The following RYR2 variants were observed in gnomAD, a reference collection of about 807,000 sequenced individuals.
RYR2 encodes the protein ryanodine receptor 2.
A neutral mutation model predicts 601.1 loss-of-function variants in RYR2; 227 were observed. The observed-to-expected ratio is 0.38, with a 90% confidence interval of 0.34 to 0.42. The LOEUF (loss-of-function observed/expected upper bound fraction) is 0.42. Ranked by LOEUF, RYR2 falls within the 10% of genes least tolerant of loss-of-function variation. The pLI is 1.00. For synonymous variants in RYR2, 2,223 were observed against 2,175.1 expected (o/e 1.02, Z -0.61); for missense variants, 4,646 against 6,156.5 (o/e 0.75, Z 8.21).
chr1:237,387,700 A>T (rs1251506293), intron 9 of RYR2, among the ~76,000 whole-genome samples: 2 of 152,094 alleles, frequency 1.3e-5, no homozygotes, highest in Non-Finnish European at 2.9e-5. Context: ...TAATGTCAAG[A>T]TTTCTTATTT....
intron 10 of RYR2, among the ~76,000 whole-genome samples, chr1:237,390,542 G>A (rs1702291315): frequency 6.6e-6 from 1 of 152,132 alleles, no homozygotes; most frequent in Admixed American, 6.6e-5. Context: ...CTATTATTTA[G>A]TCTGAAGAGG....
chr1:237,251,001 A>G (rs1483720666), intron 1 of RYR2, among the ~76,000 whole-genome samples: 2 of 140,352 alleles, frequency 1.4e-5, no homozygotes, highest in Admixed American at 7.3e-5. Context: ...ACCCTACTTT[A>G]TTTTCTTTAT....
chr1:237,675,496 A>C (rs1421558241), intron 60 of RYR2, among the ~76,000 whole-genome samples: 2 of 152,188 alleles, frequency 1.3e-5, no homozygotes, highest in African/African-American at 4.8e-5. Context: ...TTAATGTCAG[A>C]GCACCTTCCA....
intron 22 of RYR2, among the ~76,000 whole-genome samples, chr1:237,505,826 C>T (rs1158736584): frequency 1.3e-5 from 2 of 152,214 alleles, no homozygotes; most frequent in East Asian, 3.8e-4. Flanking sequence ...ACGTAAACAA[C>T]CAGTCCCTTA....
chr1:237,764,779 G>A (rs1218013448), intron 84 of RYR2, among the ~76,000 whole-genome samples: 4 of 151,576 alleles, frequency 2.6e-5, no homozygotes, highest in Admixed American at 1.3e-4. Flanking sequence ...GTCCCTTTCC[G>A]GGACACAAAT....
At chr1:237,278,343 A>G (rs373148571) in intron 2 of RYR2, among the ~76,000 whole-genome samples, 1 of 135,430 alleles carries the variant, frequency 7.4e-6, no homozygotes, top group South Asian at 2.3e-4. Context: ...TTCCTTCCTC[A>G]GCCTCCCAAA....
chr1:237,210,749 A>G (rs602897), intron 1 of RYR2, among the ~76,000 whole-genome samples: 115,604 of 152,034 alleles, frequency 0.76, 45,674 homozygotes, highest in East Asian at 0.98. Context: ...AACTTATCCC[A>G]CTATCTTGGA....
At chr1:237,154,710 T>A (rs1424901423) in intron 1 of RYR2, among the ~76,000 whole-genome samples, 1 of 150,368 alleles carries the variant, frequency 6.7e-6, no homozygotes, top group African/African-American at 2.4e-5. Flanking sequence ...TGGACCTCCG[T>A]CCTATCCCTA....
intron 16 of RYR2, among the ~76,000 whole-genome samples, chr1:237,466,590 AAATT>A (rs1283385679): frequency 6.6e-6 from 1 of 151,894 alleles, no homozygotes; most frequent in Non-Finnish European, 1.5e-5. Context: ...ACTATTATAT[AAATT>A]ATTTTTATTT....
chr1:237,315,083 G>T (rs1340559562), intron 2 of RYR2, among the ~76,000 whole-genome samples: 1 of 152,164 alleles, frequency 6.6e-6, no homozygotes, highest in Non-Finnish European at 1.5e-5. Context: ...CTCCTGTAAA[G>T]ATCCAGTGGA....
At chr1:237,157,501 A>T (rs2148844749) in intron 1 of RYR2, among the ~76,000 whole-genome samples, 1 of 152,288 alleles carries the variant, frequency 6.6e-6, no homozygotes, top group South Asian at 2.1e-4. Context: ...CCATCAATGG[A>T]TAAATGGATA....
intron 15 of RYR2, among the ~76,000 whole-genome samples, chr1:237,455,496 A>C (rs1187146050): frequency 6.6e-6 from 1 of 152,116 alleles, no homozygotes; most frequent in Non-Finnish European, 1.5e-5. Context: ...TGATGAAATC[A>C]TTTATACTTC....
At chr1:237,741,159 C>T (rs753776701) in intron 79 of RYR2, among the ~76,000 whole-genome samples, 2 of 152,106 alleles carry the variant, frequency 1.3e-5, no homozygotes, top group Non-Finnish European at 2.9e-5. Flanking sequence ...GCTCATGTGC[C>T]TATCATTATA....
At chr1:237,709,234 G>T in intron 69 of RYR2, 136 bp downstream of exon 69, 1 of 867,006 alleles carries the variant, frequency 1.2e-6, no homozygotes, top group Non-Finnish European at 1.7e-6. Flanking sequence ...TTATAGGCAA[G>T]TTAATTTTTG....
At chr1:237,478,306 A>G (rs1376050286) in intron 17 of RYR2, among the ~76,000 whole-genome samples, 3 of 152,198 alleles carry the variant, frequency 2.0e-5, no homozygotes, top group Non-Finnish European at 2.9e-5. Context: ...TAATAGCTGT[A>G]TGACCTTGAC....
intron 1 of RYR2, among the ~76,000 whole-genome samples, chr1:237,246,916 A>T (rs1215346654): frequency 6.6e-6 from 1 of 152,194 alleles, no homozygotes; most frequent in Non-Finnish European, 1.5e-5. Flanking sequence ...AGAACCTAAA[A>T]CATTTGATTG....
At chr1:237,441,597 G>A (rs1407617741) in intron 13 of RYR2, 114 bp downstream of exon 13, 23 of 962,472 alleles carry the variant, frequency 2.4e-5, no homozygotes, top group African/African-American at 3.3e-5. Context: ...TCATAATTTT[G>A]CAAGTGAAAG....
chr1:237,053,038 G>T lies in RYR2; in HGVS notation c.48+10469G>T, dbSNP rs188038617. Reference sequence around the variant, plus strand: ...TAATTTTTGTATTTTTAGTAGAGATGGGGTTTCACCATGTTGGCCAGGATG... The same window carrying T: ...TAATTTTTGTATTTTTAGTAGAGATTGGGTTTCACCATGTTGGCCAGGATG... On this transcript the variant is annotated intron_variant, in intron 1 of 104. Coordinates refer to ENST00000366574, the MANE Select transcript of RYR2 (RefSeq NM_001035.3). Among the ~76,000 whole-genome samples, 190 of 152,174 alleles carry T rather than the reference G, an allele frequency of 1.2e-3. 1 individual carries two copies. Among genetic ancestry groups the T allele is most frequent in the Admixed American group, 4.1e-3 (62 of 15,292 alleles).
intron 82 of RYR2, among the ~76,000 whole-genome samples, chr1:237,759,189 C>A (rs1309084573): frequency 6.6e-6 from 1 of 152,116 alleles, no homozygotes; most frequent in Admixed American, 6.6e-5. Flanking sequence ...TGGGTTCAAG[C>A]AATTCTCCTG....
Sources: gnomAD v4.1 joint callset for allele counts (sites outside exome capture counted in the v4.1 genomes callset) on GRCh38, gnomAD v4.1.1 for gene constraint, MANE v1.5 for transcripts, NCBI Gene and HGNC (gene_info 2026-07-23, HGNC 2026-07-21) for gene names.